Variants in WDR35 observed in about 807,000 individuals in gnomAD.
WDR35 encodes WD repeat-containing protein 35.
Under a neutral mutation model 158.3 loss-of-function variants are expected in WDR35, and 118 were observed. That is an observed-to-expected ratio of 0.75 (90% CI 0.64 to 0.87). WDR35 has a LOEUF of 0.87. Ranked by LOEUF, WDR35 falls within the 40% of genes least tolerant of loss-of-function variation. The pLI is 0.00. For missense variants in WDR35, 1,263 were observed against 1,405.8 expected (o/e 0.90, Z 1.62); for synonymous variants, 448 against 476.1 (o/e 0.94, Z 0.77).
intron 12 of WDR35, chr2:19,951,726 T>G (rs961142417): frequency 9.3e-5 from 34 of 365,466 alleles, no homozygotes; most frequent in Non-Finnish European, 1.5e-4. Flanking sequence ...TCTGAACATT[T>G]CATCATATAT....
chr2:19,984,020 TATATATATATATATATATATAC>T (rs768884330), intron 2 of WDR35, among the ~76,000 whole-genome samples: 2,104 of 7,132 alleles, frequency 0.3, 34 homozygotes, highest in East Asian at 0.49. Context: ...TATATATATA[TATATATATATATATATATATAC>T]ATATATACAC....
chr2:19,984,002 CATATATATATATATATATATATATAT>C (rs753374553), intron 2 of WDR35, among the ~76,000 whole-genome samples: 5 of 89,938 alleles, frequency 5.6e-5, no homozygotes, highest in South Asian at 3.9e-4. Context: ...CATTCTAATG[CATATATATATATATATATATATATAT>C]ATATATATAT....
rs1359429954 is a variant in WDR35 at position 19,935,579 on chromosome 2, T to A, written c.2439A>T (p.Val813=). Residue 813 remains valine (V), a synonymous_variant, in exon 21 of 27, where the codon GTA becomes GTT. Coordinates refer to ENST00000281405, the MANE Select transcript of WDR35 (RefSeq NM_020779.4). The stretch of plus-strand genomic sequence containing the variant: ...CTAAGCGTTCCTGGTTCCGTCCTTG[T>A]ACATAATATTGTACAGCATTCAACC... ...QKWLNAVQYY[V]QGRNQERLAE... is the part of the protein sequence containing the mutation. 6.2e-7 allele frequency: 1 copy of A among 1,612,812 alleles called. No homozygotes were observed. Among genetic ancestry groups the A allele is most frequent in the Admixed American group, 1.7e-5 (1 of 59,922 alleles).
chr2:19,939,739 TTGAATTCTA>T (rs1338693184), intron 17 of WDR35, among the ~76,000 whole-genome samples: 2 of 152,144 alleles, frequency 1.3e-5, no homozygotes, highest in Admixed American at 1.3e-4. Flanking sequence ...TCTGTTTTGC[TTGAATTCTA>T]TATAATTCTG....
chr2:19,969,810 T>G (rs1383324055), intron 8 of WDR35, among the ~76,000 whole-genome samples: 1 of 151,346 alleles, frequency 6.6e-6, no homozygotes, highest in Non-Finnish European at 1.5e-5. Flanking sequence ...TGCAGTGGCG[T>G]GATCTCGGCT....
Position 19,989,192 on chromosome 2 carries a change from T to G in WDR35, c.115A>C (p.Lys39Gln), listed in dbSNP as rs1672664689. The change falls in exon 2 of 27, where the codon AAA (lysine) becomes CAA (glutamine). Residue 39 changes from lysine to glutamine, a missense_variant. Physicochemically the swap from Lys to Gln is moderately conservative, Grantham distance 53. Transcript: ENST00000281405. Reference sequence around the variant, plus strand: ...GTCTGCGTCTCTAATTTCAAAACTTTCAGTAATCCATCTTCACCACCGCAT... The same window carrying G: ...GTCTGCGTCTCTAATTTCAAAACTTGCAGTAATCCATCTTCACCACCGCAT... The part of the protein sequence containing the change: ...IACGGEDGLL[K>Q]VLKLETQTDD... The G allele has an allele frequency of 1.9e-6, 3 of 1,614,220 alleles. No homozygotes were observed. Among genetic ancestry groups the G allele is most frequent in the Non-Finnish European group, 2.5e-6 (3 of 1,180,030 alleles).
At chr2:19,983,884 TTTCA>T (rs770921382) in intron 2 of WDR35, among the ~76,000 whole-genome samples, 3 of 152,116 alleles carry the variant, frequency 2.0e-5, no homozygotes, top group Non-Finnish European at 4.4e-5. Context: ...CACAGGGTTC[TTTCA>T]TTCATTTAAT....
chr2:19,924,352 C>A (rs1022209045), intron 25 of WDR35, among the ~76,000 whole-genome samples: 1 of 151,992 alleles, frequency 6.6e-6, no homozygotes, highest in Non-Finnish European at 1.5e-5. Context: ...ATCACAAGGT[C>A]AGGAGATCGA....
chr2:19,932,244 C>T lies in WDR35; in HGVS notation c.2823+39G>A, dbSNP rs1026937128. On this transcript the variant is annotated intron_variant, in intron 23 of 26. Transcript: ENST00000281405. Reference sequence around the variant, plus strand: ...TCTTTCATATATTAAAATATTGTGACTGGAACAAATCAACTATTCACCAAG... The same window carrying T: ...TCTTTCATATATTAAAATATTGTGATTGGAACAAATCAACTATTCACCAAG... The T allele has an allele frequency of 3.7e-6, 6 of 1,610,888 alleles. No homozygotes were observed. In the South Asian group the frequency reaches 4.4e-5, roughly 12 times the overall value.
chr2:19,935,659 A>C, intron 20 of WDR35, 56 bp from the exon 21 acceptor site: 1 of 1,587,884 alleles, frequency 6.3e-7, no homozygotes, highest in Non-Finnish European at 8.5e-7. Flanking sequence ...CCTGATAAAT[A>C]AGCACTTTCA....
At chr2:19,962,865 G>A (rs1354237381) in intron 10 of WDR35, among the ~76,000 whole-genome samples, 1 of 151,978 alleles carries the variant, frequency 6.6e-6, no homozygotes, top group East Asian at 1.9e-4. Flanking sequence ...ACCACAAATT[G>A]TATTTTTAAT....
intron 10 of WDR35, among the ~76,000 whole-genome samples, chr2:19,965,393 G>T (rs771239019): frequency 1.3e-4 from 20 of 152,298 alleles, no homozygotes; most frequent in Middle Eastern, 6.8e-3. Context: ...GTCTATAAGT[G>T]AGCCTCACTG....
intron 2 of WDR35, among the ~76,000 whole-genome samples, chr2:19,986,075 A>G (rs1342993824): frequency 6.6e-6 from 1 of 152,182 alleles, no homozygotes; most frequent in East Asian, 1.9e-4. Flanking sequence ...GGATGGGTTC[A>G]ACATACACTT....
chr2:19,915,195 T>C (rs766340588), intron 25 of WDR35, among the ~76,000 whole-genome samples: 8 of 152,178 alleles, frequency 5.3e-5, no homozygotes, highest in Non-Finnish European at 1.5e-5. Flanking sequence ...TACTTTGTTA[T>C]AGTATATCAA....
rs753697857 is a variant in WDR35 at position 19,978,719 on chromosome 2, G to C, written c.436+32C>G. On this transcript the variant is annotated intron_variant, in intron 5 of 26. Coordinates refer to ENST00000281405, the MANE Select transcript of WDR35 (RefSeq NM_020779.4). Reference sequence around the variant, plus strand: ...AGAAGAAAACTGTCAGCCAGATATTGATCTTAGTTCTATGTCCAATCAATA... The same window carrying C: ...AGAAGAAAACTGTCAGCCAGATATTCATCTTAGTTCTATGTCCAATCAATA... 1.6e-5 allele frequency: 26 copies of C among 1,612,886 alleles called. No individual in the cohort carries two copies. In the Admixed American group the frequency reaches 4.3e-4, roughly 27 times the overall value.
At chr2:19,968,653 C>A (rs933016633) in intron 9 of WDR35, among the ~76,000 whole-genome samples, 1 of 152,190 alleles carries the variant, frequency 6.6e-6, no homozygotes, top group Non-Finnish European at 1.5e-5. Context: ...CTGTTCCAGG[C>A]TTACCTTGTA....
intron 17 of WDR35, 46 bp from the exon 18 acceptor site, chr2:19,938,447 G>C (rs1233119144): frequency 1.5e-5 from 24 of 1,600,404 alleles, no homozygotes; most frequent in South Asian, 2.2e-5. Flanking sequence ...TTTGCCGTTA[G>C]AGTATGTGTT....
intron 2 of WDR35, among the ~76,000 whole-genome samples, chr2:19,982,747 G>A (rs563118779): frequency 3.6e-4 from 55 of 152,168 alleles, no homozygotes; most frequent in African/African-American, 1.3e-3. Flanking sequence ...AATGAAGATT[G>A]TTTACTCATA....
chr2:19,942,658 A>G (rs1418507516), intron 16 of WDR35, among the ~76,000 whole-genome samples: 1 of 152,132 alleles, frequency 6.6e-6, no homozygotes, highest in African/African-American at 2.4e-5. Flanking sequence ...AAAGGGAGAA[A>G]GATGGAAAGA....
Sources: allele counts gnomAD v4.1 joint callset (sites outside exome capture counted in the v4.1 genomes callset), GRCh38; gene constraint gnomAD v4.1.1; transcripts MANE v1.5; gene names NCBI Gene and HGNC (gene_info 2026-07-23, HGNC 2026-07-21).